The following METTL15 variants were observed in gnomAD, a reference collection of about 807,000 sequenced individuals.
METTL15 encodes the protein 12S rRNA N(4)-cytidine methyltransferase METTL15.
Under a neutral mutation model 38.3 loss-of-function variants are expected in METTL15, and 34 were observed. The ratio of observed to expected loss-of-function variants is 0.89; its 90% CI spans 0.68 to 1.18. The LOEUF (loss-of-function observed/expected upper bound fraction) is 1.18, where lower values mean the gene tolerates loss of function less well. Among genes scored for constraint, METTL15 ranks in the 50% most tolerant of loss-of-function variants. The pLI is 0.00. For missense variants in METTL15, 438 were observed against 498.4 expected (o/e 0.88, Z 1.15); for synonymous variants, 162 against 170.9 (o/e 0.95, Z 0.41).
chr11:28,116,386 A>T (rs544074071), intron 3 of METTL15, among the ~76,000 whole-genome samples: 164 of 152,306 alleles, frequency 1.1e-3, no homozygotes, highest in African/African-American at 2.2e-3. Flanking sequence ...GTGATCCCTT[A>T]TTCTAGAAGC....
At chr11:28,347,897 A>G (rs1349717466) in intron 3 of METTL15, among the ~76,000 whole-genome samples, 1 of 152,184 alleles carries the variant, frequency 6.6e-6, no homozygotes, top group Non-Finnish European at 1.5e-5. Flanking sequence ...TCTTGCACCG[A>G]TACTTTAGCA....
chr11:28,420,919 A>T (rs1392276341), intron 5 of METTL15, among the ~76,000 whole-genome samples: 2 of 152,038 alleles, frequency 1.3e-5, no homozygotes, highest in African/African-American at 4.8e-5. Flanking sequence ...ATAAACTAAA[A>T]GTTGTTTTTT....
At chr11:28,328,128 C>G (rs1849697114) in intron 6 of METTL15, 1 of 1,611,434 alleles carries the variant, frequency 6.2e-7, no homozygotes, top group African/African-American at 1.3e-5. Context: ...GTGGCCCAAA[C>G]TCTTTATTAG....
At chr11:28,220,826 A>T (rs540573233) in intron 4 of METTL15, among the ~76,000 whole-genome samples, 6 of 152,262 alleles carry the variant, frequency 3.9e-5, no homozygotes, top group African/African-American at 1.4e-4. Flanking sequence ...CACGAAGCTT[A>T]GTTTGGCTGG....
At chr11:28,171,828 A>C (rs545246610) in intron 3 of METTL15, among the ~76,000 whole-genome samples, 4 of 148,980 alleles carry the variant, frequency 2.7e-5, no homozygotes, top group Non-Finnish European at 5.9e-5. Flanking sequence ...GTATTCCTCT[A>C]TCACCCAGAC....
chr11:28,340,163 T>G (rs188391458), intron 3 of METTL15, among the ~76,000 whole-genome samples: 1 of 152,146 alleles, frequency 6.6e-6, no homozygotes, highest in Non-Finnish European at 1.5e-5. Context: ...GAATCATTTT[T>G]AAATCATTTT....
chr11:28,470,882 A>G (rs1193729472), intron 6 of METTL15, among the ~76,000 whole-genome samples: 1 of 152,080 alleles, frequency 6.6e-6, no homozygotes, highest in Admixed American at 6.6e-5. Flanking sequence ...AGCATCCCTC[A>G]TTTTAAGATA....
intron 4 of METTL15, among the ~76,000 whole-genome samples, chr11:28,249,784 T>C (rs1458958143): frequency 6.6e-6 from 1 of 151,922 alleles, no homozygotes; most frequent in Non-Finnish European, 1.5e-5. Flanking sequence ...ATAGGTAAAT[T>C]GCATGTCATG....
chr11:28,402,569 C>G (rs894210814), intron 5 of METTL15, among the ~76,000 whole-genome samples: 1 of 151,998 alleles, frequency 6.6e-6, no homozygotes, highest in African/African-American at 2.4e-5. Context: ...AAATATGGCT[C>G]TTGCTTCTGG....
At chr11:28,472,799 G>T (rs532829588) in intron 6 of METTL15, among the ~76,000 whole-genome samples, 36 of 152,278 alleles carry the variant, frequency 2.4e-4, no homozygotes, top group African/African-American at 8.2e-4. Context: ...GTTTTCATGT[G>T]GATGAAAGAA....
intron 6 of METTL15, among the ~76,000 whole-genome samples, chr11:28,481,581 G>T (rs752535781): frequency 2.0e-5 from 3 of 152,168 alleles, no homozygotes; most frequent in Non-Finnish European, 2.9e-5. Context: ...AATGGGAGGG[G>T]TAGCTTTTCT....
chr11:28,435,731 C>T (rs1850976763), intron 6 of METTL15, among the ~76,000 whole-genome samples: 1 of 152,190 alleles, frequency 6.6e-6, no homozygotes. Flanking sequence ...TTGGATTCTA[C>T]TTCATGATAT....
intron 3 of METTL15, among the ~76,000 whole-genome samples, chr11:28,187,410 G>A (rs936863212): frequency 2.0e-4 from 30 of 150,566 alleles, no homozygotes; most frequent in African/African-American, 7.1e-4. Flanking sequence ...GGTAGATCTC[G>A]TAGGGGAGGT....
At chr11:28,468,446 G>C (rs983359831) in intron 6 of METTL15, among the ~76,000 whole-genome samples, 2 of 152,052 alleles carry the variant, frequency 1.3e-5, no homozygotes, top group Admixed American at 6.6e-5. Flanking sequence ...AGCATGTCAG[G>C]CTACCTAATT....
intron 4 of METTL15, among the ~76,000 whole-genome samples, chr11:28,257,387 T>A (rs531516969): frequency 6.6e-6 from 1 of 152,308 alleles, no homozygotes; most frequent in South Asian, 2.1e-4. Flanking sequence ...TTAAATCTGT[T>A]TGGTGTTCTA....
intron 4 of METTL15, chr11:28,287,287 C>G (rs1228718281): frequency 4.8e-6 from 1 of 206,654 alleles, no homozygotes; most frequent in East Asian, 1.6e-4. Context: ...CTTGCATCTT[C>G]GTGGTCCATG....
intron 4 of METTL15, among the ~76,000 whole-genome samples, chr11:28,245,608 G>A (rs573384705): frequency 1.3e-5 from 2 of 152,178 alleles, no homozygotes; most frequent in African/African-American, 4.8e-5. Flanking sequence ...ATATACCTTT[G>A]GTAAGTATAT....
At chr11:28,174,209 A>G (rs374769198) in intron 3 of METTL15, among the ~76,000 whole-genome samples, 5 of 152,232 alleles carry the variant, frequency 3.3e-5, no homozygotes, top group East Asian at 1.9e-4. Context: ...TGTTTGTCCA[A>G]TCTTTTATTT....
chr11:28,116,787 C>T (rs936505071), intron 3 of METTL15, among the ~76,000 whole-genome samples: 1 of 151,954 alleles, frequency 6.6e-6, no homozygotes, highest in African/African-American at 2.4e-5. Context: ...TTTAATTGTT[C>T]TAGAGAGAGT....
Sources: gnomAD v4.1 joint callset for allele counts (sites outside exome capture counted in the v4.1 genomes callset) on GRCh38, gnomAD v4.1.1 for gene constraint, MANE v1.5 for transcripts, NCBI Gene and HGNC (gene_info 2026-07-23, HGNC 2026-07-21) for gene names.